The following MYO16 variants were observed in gnomAD, a reference collection of about 807,000 sequenced individuals.
The protein encoded by MYO16 is unconventional myosin-XVI.
A neutral mutation model predicts 205.3 loss-of-function variants in MYO16; 94 were observed. The observed-to-expected ratio is 0.46, with a 90% CI of 0.39 to 0.54. MYO16 has a LOEUF of 0.54. Among genes scored for constraint, MYO16 ranks in the 20% least tolerant of loss-of-function variants. The pLI is 0.00. For missense variants in MYO16, 2,315 were observed against 2,387.5 expected (o/e 0.97, Z 0.63); for synonymous variants, 988 against 954.0 (o/e 1.04, Z -0.66).
intron 10 of MYO16, among the ~76,000 whole-genome samples, chr13:108,848,151 A>G (rs1338423067): frequency 6.6e-6 from 1 of 152,036 alleles, no homozygotes; most frequent in Admixed American, 6.6e-5. Flanking sequence ...AGATGGATGT[A>G]TTATTTGTAC....
At chr13:108,829,527 G>T (rs943480374) in intron 9 of MYO16, among the ~76,000 whole-genome samples, 1 of 152,166 alleles carries the variant, frequency 6.6e-6, no homozygotes, top group Admixed American at 6.5e-5. Context: ...ACCAGCTTTG[G>T]TTGGGTGAAT....
At chr13:108,503,445 GTT>G in the MYO16 span, among the ~76,000 whole-genome samples, 4 of 148,320 alleles carry the variant, frequency 2.7e-5, no homozygotes, top group African/African-American at 9.8e-5. Flanking sequence ...GCTCAAAAAA[GTT>G]TTTTTTTTTT....
chr13:109,078,182 C>T (rs2139663829), intron 27 of MYO16, among the ~76,000 whole-genome samples: 1 of 150,830 alleles, frequency 6.6e-6, no homozygotes, highest in East Asian at 2.0e-4. Context: ...GTAATCCTAG[C>T]ATTTTGGAAG....
intron 1 of MYO16, among the ~76,000 whole-genome samples, chr13:108,605,258 C>G (rs1878909019): frequency 6.6e-6 from 1 of 152,090 alleles, no homozygotes; most frequent in South Asian, 2.1e-4. Context: ...ATTAGCACTG[C>G]TTTTAAGGAG....
At chr13:108,766,296 G>A (rs760682865) in intron 4 of MYO16, among the ~76,000 whole-genome samples, 1 of 152,190 alleles carries the variant, frequency 6.6e-6, no homozygotes, top group African/African-American at 2.4e-5. Flanking sequence ...ACTCAAGTAC[G>A]ATAGAGATAG....
At chr13:108,537,264 T>G in the MYO16 span, among the ~76,000 whole-genome samples, 1 of 152,136 alleles carries the variant, frequency 6.6e-6, no homozygotes, top group Non-Finnish European at 1.5e-5. Flanking sequence ...GATTTTTTGT[T>G]TCTGAGTTAT....
At chr13:108,740,444 A>T (rs1287841653) in intron 4 of MYO16, among the ~76,000 whole-genome samples, 1 of 152,168 alleles carries the variant, frequency 6.6e-6, no homozygotes, top group Non-Finnish European at 1.5e-5. Flanking sequence ...AGGCCGCAGA[A>T]CAGTGAATAT....
chr13:108,878,200 C>T (rs910071173), intron 12 of MYO16, among the ~76,000 whole-genome samples: 6 of 152,084 alleles, frequency 3.9e-5, no homozygotes, highest in African/African-American at 1.4e-4. Flanking sequence ...AACCCACAGC[C>T]CTAAATGGGA....
At chr13:108,613,776 C>T (rs901251783) in intron 1 of MYO16, among the ~76,000 whole-genome samples, 1 of 151,958 alleles carries the variant, frequency 6.6e-6, no homozygotes, top group African/African-American at 2.4e-5. Flanking sequence ...GGTAAAGTAA[C>T]ACAAAAGCCA....
At chr13:109,191,186 T>C (rs1879899084) in intron 34 of MYO16, among the ~76,000 whole-genome samples, 1 of 151,798 alleles carries the variant, frequency 6.6e-6, no homozygotes, top group Non-Finnish European at 1.5e-5. Flanking sequence ...GCCACTGCAC[T>C]CCAGCCTGGG....
Position 109,019,838 on chromosome 13 carries a change from T to G in MYO16, c.2723T>G (p.Met908Arg). 6.2e-7 allele frequency: 1 copy of G among 1,614,090 alleles called. No individual in the cohort carries two copies. Among genetic ancestry groups the G allele is most frequent in the Non-Finnish European group, 8.5e-7 (1 of 1,179,998 alleles). Residue 908 changes from methionine (M) to arginine (R), a missense_variant, in exon 23 of 35, where the codon ATG (methionine) becomes AGG (arginine). By Grantham distance (91) the Met-to-Arg change is moderately conservative. This residue lies in a region of MYO16 where 1,213 missense variants were observed against 1,274.4 expected (regional missense o/e 0.95). Transcript: ENST00000457511. ...SSNTNAVYSP[M>R]KDGNGNVALK... is the part of the protein sequence containing the mutation. ...AACACAAATGCGGTGTACTCCCCCA[T>G]GAAGGATGGGAATGGGAATGTTGCC...
intron 20 of MYO16, among the ~76,000 whole-genome samples, chr13:108,985,832 GT>G (rs1884608361): frequency 6.6e-6 from 1 of 152,306 alleles, no homozygotes; most frequent in South Asian, 2.1e-4. Context: ...ACAGTGCATA[GT>G]TGTGATCCAA....
At chr13:108,545,292 T>C in the MYO16 span, among the ~76,000 whole-genome samples, 1 of 152,222 alleles carries the variant, frequency 6.6e-6, no homozygotes, top group African/African-American at 2.4e-5. Context: ...TTGCCTACAA[T>C]AATCGCCTTC....
intron 20 of MYO16, among the ~76,000 whole-genome samples, chr13:108,971,374 T>TAC (rs1555318802): frequency 7.1e-4 from 97 of 136,398 alleles, no homozygotes; most frequent in Middle Eastern, 7.9e-3. Context: ...TATATATATA[T>TAC]ACACATATAA....
At chr13:109,062,279 G>A (rs1010149445) in intron 27 of MYO16, among the ~76,000 whole-genome samples, 6 of 152,096 alleles carry the variant, frequency 3.9e-5, no homozygotes, top group African/African-American at 9.7e-5. Flanking sequence ...GGATCGTATC[G>A]TATTCATTCA....
At chr13:109,147,712 G>A (rs1354627378) in intron 32 of MYO16, among the ~76,000 whole-genome samples, 1 of 152,206 alleles carries the variant, frequency 6.6e-6, no homozygotes, top group East Asian at 1.9e-4. Flanking sequence ...ATGAAAATTA[G>A]AAAAAGTGTG....
intron 2 of MYO16, among the ~76,000 whole-genome samples, chr13:108,705,035 T>C (rs572154756): frequency 6.6e-6 from 1 of 151,892 alleles, no homozygotes; most frequent in Non-Finnish European, 1.5e-5. Context: ...CCCTTACCCA[T>C]GATTTTGATT....
At chr13:108,550,551 T>G in the MYO16 span, among the ~76,000 whole-genome samples, 7 of 152,374 alleles carry the variant, frequency 4.6e-5, no homozygotes, top group East Asian at 1.2e-3. Flanking sequence ...TATTCTGGTT[T>G]GTATTCCTTG....
chr13:108,893,988 TA>T (rs1360287071), intron 14 of MYO16, among the ~76,000 whole-genome samples: 3 of 152,010 alleles, frequency 2.0e-5, no homozygotes, highest in Non-Finnish European at 4.4e-5. Context: ...ATTTATTTTT[TA>T]AAAAAAGGAG....
Sources: gnomAD v4.1 joint callset for allele counts (sites outside exome capture counted in the v4.1 genomes callset) on GRCh38, gnomAD v4.1.1 for gene constraint, gnomAD v4.1.1 regional missense constraint, MANE v1.5 for transcripts, NCBI Gene and HGNC (gene_info 2026-07-23, HGNC 2026-07-21) for gene names.